Variants in STXBP5L observed in about 807,000 individuals in gnomAD.
STXBP5L encodes syntaxin binding protein 5L.
STXBP5L carries 65 observed loss-of-function variants against 144.5 expected under a neutral mutation model. The observed-to-expected ratio is 0.45, with a 90% CI of 0.37 to 0.55. The LOEUF is 0.55. STXBP5L is among the 20% of genes least tolerant of loss of function. The pLI is 0.00. For missense variants in STXBP5L, 1,298 were observed against 1,405.5 expected, an observed-to-expected ratio of 0.92 and a Z score of 1.22; for synonymous variants, 505 against 469.6, an observed-to-expected ratio of 1.08 and a Z score of -0.97.
chr3:120,953,217 A>G (rs1937636928), intron 2 of STXBP5L, among the ~76,000 whole-genome samples: 1 of 152,062 alleles, frequency 6.6e-6, no homozygotes, highest in South Asian at 2.1e-4. Context: ...GATATGAAAT[A>G]TAAACTTGGA....
chr3:121,300,279 T>C (rs982697425), intron 19 of STXBP5L, among the ~76,000 whole-genome samples: 2 of 151,858 alleles, frequency 1.3e-5, no homozygotes, highest in Non-Finnish European at 2.9e-5. Context: ...CTATAAGAAA[T>C]AGTAAAGAAA....
chr3:120,950,572 A>G (rs1171807647), intron 2 of STXBP5L, among the ~76,000 whole-genome samples: 1 of 152,066 alleles, frequency 6.6e-6, no homozygotes, highest in Non-Finnish European at 1.5e-5. Context: ...TTTAGGGTAC[A>G]TGTGCACAAT....
intron 9 of STXBP5L, among the ~76,000 whole-genome samples, chr3:121,193,971 TAATAATAATA>T (rs1161219736): frequency 8.1e-6 from 1 of 123,318 alleles, no homozygotes; most frequent in Non-Finnish European, 1.6e-5. Context: ...TAACATATAA[TAATAATAATA>T]ATAATAATAA....
intron 3 of STXBP5L, among the ~76,000 whole-genome samples, chr3:120,992,014 G>C (rs1397606833): frequency 2.0e-5 from 3 of 151,760 alleles, no homozygotes; most frequent in Non-Finnish European, 2.9e-5. Context: ...ATATTTATAT[G>C]GTATATTTCT....
chr3:121,019,862 G>A (rs1362704455), intron 3 of STXBP5L, among the ~76,000 whole-genome samples: 5 of 152,018 alleles, frequency 3.3e-5, no homozygotes, highest in Non-Finnish European at 5.9e-5. Flanking sequence ...GACAAAACAA[G>A]GTTCTTTGAC....
Position 121,314,777 on chromosome 3 carries a change from C to T in STXBP5L, c.2111-3698C>T, listed in dbSNP as rs1196802036. ...ATCCAGAATCTACAATGAACTCAAA[C>T]AAGTTTACAAGAAAAAAACAAACAA... On this transcript the variant is annotated intron_variant, in intron 19 of 26. Transcript: ENST00000471454. 4.6e-5 allele frequency among the ~76,000 whole-genome samples: 7 copies of T among 152,254 alleles called. No individual in the cohort carries two copies. The South Asian group carries it at 1.0e-3, about 23-fold the overall frequency.
intron 7 of STXBP5L, among the ~76,000 whole-genome samples, chr3:121,133,528 A>G (rs535406940): frequency 2.6e-5 from 4 of 152,318 alleles, no homozygotes; most frequent in African/African-American, 9.6e-5. Context: ...AGTATATTCA[A>G]CGAAACTGTC....
At chr3:121,005,827 A>G (rs1944244512) in intron 3 of STXBP5L, among the ~76,000 whole-genome samples, 1 of 152,172 alleles carries the variant, frequency 6.6e-6, no homozygotes, top group Non-Finnish European at 1.5e-5. Context: ...GTCATTCAGG[A>G]GCAGGTTGTT....
intron 9 of STXBP5L, among the ~76,000 whole-genome samples, chr3:121,164,396 G>T (rs905189694): frequency 6.6e-6 from 1 of 152,136 alleles, no homozygotes; most frequent in Admixed American, 6.5e-5. Context: ...AATGTTGGCA[G>T]GTATATAGAG....
At chr3:121,383,482 A>G (rs1403525698) in intron 22 of STXBP5L, among the ~76,000 whole-genome samples, 2 of 152,144 alleles carry the variant, frequency 1.3e-5, no homozygotes, top group Non-Finnish European at 1.5e-5. Context: ...CAGAAGGGGT[A>G]TGTGGGAACT....
chr3:121,347,606 CAT>C (rs2045055548), intron 20 of STXBP5L, among the ~76,000 whole-genome samples: 1 of 152,122 alleles, frequency 6.6e-6, no homozygotes, highest in Non-Finnish European at 1.5e-5. Context: ...AATGTTCTTC[CAT>C]TTCTTTGTAT....
intron 3 of STXBP5L, among the ~76,000 whole-genome samples, chr3:120,982,295 A>G (rs1238087341): frequency 1.3e-5 from 2 of 152,078 alleles, no homozygotes; most frequent in African/African-American, 4.8e-5. Flanking sequence ...GAGCTTCCAT[A>G]GGTGGGGGGA....
intron 17 of STXBP5L, among the ~76,000 whole-genome samples, chr3:121,258,227 A>T (rs1017937330): frequency 6.6e-6 from 1 of 152,228 alleles, no homozygotes; most frequent in African/African-American, 2.4e-5. Context: ...CCATCAAATC[A>T]AATATTTCTA....
intron 5 of STXBP5L, among the ~76,000 whole-genome samples, chr3:121,113,672 CTTTTT>C (rs1231857211): frequency 8.2e-6 from 1 of 122,568 alleles, no homozygotes; most frequent in Admixed American, 9.2e-5. Context: ...TTTTCTTTTT[CTTTTT>C]TTTTTTTTTT....
At chr3:121,240,351 G>A in intron 13 of STXBP5L, 89 bp from the exon 14 acceptor site, 1 of 1,232,788 alleles carries the variant, frequency 8.1e-7, no homozygotes. Context: ...CTTTAAGTGA[G>A]CTTTTTATCA....
chr3:121,078,865 C>A (rs186294536), intron 5 of STXBP5L, among the ~76,000 whole-genome samples: 3 of 152,370 alleles, frequency 2.0e-5, no homozygotes, highest in African/African-American at 7.2e-5. Context: ...GCCCGCCAAG[C>A]CCATGCCCAC....
chr3:120,963,214 T>C (rs1422385613), intron 3 of STXBP5L, among the ~76,000 whole-genome samples: 4 of 152,216 alleles, frequency 2.6e-5, no homozygotes, highest in Non-Finnish European at 5.9e-5. Context: ...AATCATGTCA[T>C]CTGCAAACAG....
chr3:120,997,311 G>C (rs72966790), intron 3 of STXBP5L, among the ~76,000 whole-genome samples: 2 of 152,152 alleles, frequency 1.3e-5, no homozygotes, highest in African/African-American at 2.4e-5. Context: ...ATACCCACTA[G>C]TGGGATTGTT....
intron 3 of STXBP5L, among the ~76,000 whole-genome samples, chr3:121,004,336 A>C (rs1009378597): frequency 6.6e-6 from 1 of 151,848 alleles, no homozygotes; most frequent in African/African-American, 2.4e-5. Context: ...TTCACTCATG[A>C]TTTGGCTCTC....
Sources: allele counts gnomAD v4.1 joint callset (sites outside exome capture counted in the v4.1 genomes callset), GRCh38; gene constraint gnomAD v4.1.1; transcripts MANE v1.5; gene names NCBI Gene and HGNC (gene_info 2026-07-23, HGNC 2026-07-21).